VPS37A: variants seen among roughly 807,000 people sequenced by gnomAD.
The protein encoded by VPS37A is vacuolar protein sorting-associated protein 37A.
A neutral mutation model predicts 49.8 loss-of-function variants in VPS37A; 30 were observed. The ratio of observed to expected loss-of-function variants is 0.60; its 90% confidence interval spans 0.45 to 0.82. The LOEUF (loss-of-function observed/expected upper bound fraction) is 0.82. Among genes scored for constraint, VPS37A ranks in the 40% least tolerant of loss-of-function variants. VPS37A has a pLI of 0.00. For synonymous variants in VPS37A, 195 were observed against 160.6 expected, an observed-to-expected ratio of 1.21 and a Z score of -1.62; for missense variants, 593 against 464.4, an observed-to-expected ratio of 1.28 and a Z score of -2.55.
chr8:17,306,780 A>G (rs1817482791), downstream of VPS37A, among the ~76,000 whole-genome samples: 1 of 152,236 alleles, frequency 6.6e-6, no homozygotes, highest in African/African-American at 2.4e-5. Flanking sequence ...AACTTCTCAG[A>G]TGTTACAGTT....
At chr8:17,251,484 T>C (rs138527271) in intron 1 of VPS37A, among the ~76,000 whole-genome samples, 23 of 152,350 alleles carry the variant, frequency 1.5e-4, no homozygotes, top group African/African-American at 5.3e-4. Flanking sequence ...TTCTACTGCA[T>C]AGAATCAGTG....
chr8:17,263,315 C>G (rs1166697728), intron 1 of VPS37A, among the ~76,000 whole-genome samples: 2 of 151,976 alleles, frequency 1.3e-5, no homozygotes, highest in African/African-American at 2.4e-5. Context: ...TAGCAACATT[C>G]AAAATCACAT....
At chr8:17,323,578 G>A in the VPS37A span, among the ~76,000 whole-genome samples, 2 of 152,034 alleles carry the variant, frequency 1.3e-5, no homozygotes, top group Non-Finnish European at 2.9e-5. Flanking sequence ...CAGGAATCCC[G>A]GAAGACTGAG....
At chr8:17,248,318 G>T (rs1182675502) in intron 1 of VPS37A, 1 of 448,664 alleles carries the variant, frequency 2.2e-6, no homozygotes, top group Non-Finnish European at 4.4e-6. Flanking sequence ...AGGCTGGAGC[G>T]CAGTGGCGCG....
At chr8:17,250,429 GT>G (rs2150342678) in intron 1 of VPS37A, among the ~76,000 whole-genome samples, 1 of 152,280 alleles carries the variant, frequency 6.6e-6, no homozygotes, top group Admixed American at 6.5e-5. Context: ...TTTCCAGTGT[GT>G]TTTTTCCTAT....
At position 17,274,851 on chromosome 8, in the gene VPS37A, G is replaced by A. The variant is rs781095455; in HGVS notation, c.535G>A (p.Val179Ile). 6.2e-7 allele frequency: 1 copy of A among 1,614,098 alleles called. No individual in the cohort carries two copies. The highest frequency in any genetic ancestry group is 1.7e-5 in the Admixed American group (1 of 60,016). ...SITSLSVADT[V>I]SSSTTSHTTA... is the part of the protein sequence containing the mutation. ...CACTTCTTTATCTGTTGCTGACACT[G>A]TTTCTTCTTCAACAACAAGTCATAC... The change falls in exon 5 of 12, where the codon GTT (valine) becomes ATT (isoleucine). Residue 179 changes from valine to isoleucine, a missense_variant. Coordinates refer to ENST00000324849, the MANE Select transcript of VPS37A (RefSeq NM_152415.3).
rs1236346052 is a variant in VPS37A at position 17,297,202 on chromosome 8, T to TAATC, written c.*2218_*2221dup. On this transcript the variant is annotated 3_prime_UTR_variant, in exon 12 of 12. Transcript: ENST00000324849. ...GAGGAATACTTAGGAGTTACTAGGCTAATCAGTGTACGAATTTGTCATAGG... is the reference window on the plus strand; with the variant it reads ...GAGGAATACTTAGGAGTTACTAGGCTAATCAATCAGTGTACGAATTTGTCATAGG... 8 of 152,172 alleles carry TAATC rather than the reference T, an allele frequency of 5.3e-5. No homozygotes were observed. Among genetic ancestry groups the TAATC allele is most frequent in the African/African-American group, 1.2e-4 (5 of 41,454 alleles). 9.4% of individuals were successfully genotyped at this position (152,172 alleles called of 1,614,324 possible).
At chr8:17,308,962 A>G in the VPS37A span, among the ~76,000 whole-genome samples, 3 of 152,348 alleles carry the variant, frequency 2.0e-5, no homozygotes, top group East Asian at 5.8e-4. Context: ...CTGGACTTCT[A>G]AAATGGAATA....
At chr8:17,290,143 A>C (rs1816002220) in intron 11 of VPS37A, among the ~76,000 whole-genome samples, 1 of 152,240 alleles carries the variant, frequency 6.6e-6, no homozygotes, top group African/African-American at 2.4e-5. Context: ...GGTCATCTGC[A>C]AACAGAGAAA....
At chr8:17,308,170 C>A in the VPS37A span, among the ~76,000 whole-genome samples, 755 of 150,874 alleles carry the variant, frequency 5.0e-3, 8 homozygotes, top group African/African-American at 0.017. Flanking sequence ...AACTTTACTG[C>A]AAATCAAAAA....
rs1395602473 is a variant in VPS37A, at chr8:17,296,556, C to G, written c.*1570C>G. ...TCAATCTTTTGCCAACCATCAGGTT[C>G]CTAGAAACCAGGTAGGTGTATCCCA... On this transcript the variant is annotated 3_prime_UTR_variant, in exon 12 of 12. Coordinates refer to ENST00000324849, the MANE Select transcript of VPS37A (RefSeq NM_152415.3). The G allele has an allele frequency of 6.6e-6, 1 of 152,064 alleles. No individual in the cohort carries two copies. The highest frequency in any genetic ancestry group is 2.4e-5 in the African/African-American group (1 of 41,380). The allele number at this position is 152,064 out of a possible 1,614,324, so 9.4% of individuals were successfully genotyped here.
At chr8:17,314,398 T>C in the VPS37A span, among the ~76,000 whole-genome samples, 9 of 152,084 alleles carry the variant, frequency 5.9e-5, no homozygotes, top group Non-Finnish European at 1.2e-4. Flanking sequence ...GTTATTCCAG[T>C]CTCTGAGCCT....
At chr8:17,304,123 G>C (rs1817301266), downstream of VPS37A, among the ~76,000 whole-genome samples, 3 of 152,052 alleles carry the variant, frequency 2.0e-5, no homozygotes, top group African/African-American at 7.2e-5. Flanking sequence ...AAAATAAATT[G>C]GAACTTAACC....
At chr8:17,283,570 A>G (rs1215492094) in intron 9 of VPS37A, among the ~76,000 whole-genome samples, 1 of 152,184 alleles carries the variant, frequency 6.6e-6, no homozygotes, top group African/African-American at 2.4e-5. Context: ...TTGCCTGTCG[A>G]TAATCCAGTT....
intron 9 of VPS37A, among the ~76,000 whole-genome samples, chr8:17,282,261 A>G (rs1397562081): frequency 6.6e-6 from 1 of 152,150 alleles, no homozygotes; most frequent in Non-Finnish European, 1.5e-5. Context: ...TCAGTTGGAA[A>G]AAATTGAGGA....
the VPS37A span, among the ~76,000 whole-genome samples, chr8:17,328,999 G>C: frequency 6.6e-6 from 1 of 152,202 alleles, no homozygotes; most frequent in Admixed American, 6.5e-5. Flanking sequence ...GAAATACCTT[G>C]CAGCTCTTGC....
downstream of VPS37A, among the ~76,000 whole-genome samples, chr8:17,304,992 C>A (rs1428910635): frequency 2.6e-5 from 4 of 152,130 alleles, no homozygotes; most frequent in Admixed American, 2.6e-4. Context: ...CAGACCCAAG[C>A]AGATACTGTT....
At chr8:17,314,575 A>G in the VPS37A span, among the ~76,000 whole-genome samples, 2 of 152,218 alleles carry the variant, frequency 1.3e-5, no homozygotes, top group Non-Finnish European at 2.9e-5. Flanking sequence ...AAGAATGCAG[A>G]TAAGAGGATT....
chr8:17,252,557 C>T (rs1812075157), intron 1 of VPS37A, among the ~76,000 whole-genome samples: 1 of 152,132 alleles, frequency 6.6e-6, no homozygotes, highest in South Asian at 2.1e-4. Context: ...AAGATTTCCC[C>T]TATGTCCCCT....
Sources: allele counts gnomAD v4.1 joint callset (sites outside exome capture counted in the v4.1 genomes callset), GRCh38; gene constraint gnomAD v4.1.1; transcripts MANE v1.5; gene names NCBI Gene and HGNC (gene_info 2026-07-23, HGNC 2026-07-21).